CCSER1: variants seen among roughly 807,000 people sequenced by gnomAD.
CCSER1 encodes the protein coiled-coil serine rich protein 1.
A neutral mutation model predicts 82.0 loss-of-function variants in CCSER1; 41 were observed. The observed-to-expected ratio is 0.50, with a 90% CI of 0.39 to 0.65. The LOEUF (loss-of-function observed/expected upper bound fraction) is 0.65, where lower values mean the gene tolerates loss of function less well. Among genes scored for constraint, CCSER1 ranks in the 30% least tolerant of loss-of-function variants. The pLI is 0.00. For missense variants in CCSER1, 1,119 were observed against 1,064.2 expected (o/e 1.05, Z -0.72); for synonymous variants, 414 against 383.9 (o/e 1.08, Z -0.92).
intron 3 of CCSER1, among the ~76,000 whole-genome samples, chr4:90,398,276 C>T (rs933749723): frequency 6.6e-6 from 1 of 152,110 alleles, no homozygotes; most frequent in African/African-American, 2.4e-5. Context: ...GGCTCTGTCT[C>T]CAAATGCAGT....
chr4:90,635,549 G>T (rs995348830), intron 6 of CCSER1, among the ~76,000 whole-genome samples: 15 of 151,588 alleles, frequency 9.9e-5, no homozygotes, highest in African/African-American at 2.9e-4. Flanking sequence ...AAATTTTCTG[G>T]ATATAGTTAA....
At chr4:91,296,289 C>G (rs951303486) in intron 10 of CCSER1, among the ~76,000 whole-genome samples, 38 of 151,232 alleles carry the variant, frequency 2.5e-4, no homozygotes, top group African/African-American at 9.2e-4. Context: ...TAGAACACCA[C>G]TCCCTTAGAA....
At chr4:91,410,349 G>A (rs1291100994) in intron 10 of CCSER1, among the ~76,000 whole-genome samples, 3 of 151,994 alleles carry the variant, frequency 2.0e-5, no homozygotes, top group African/African-American at 2.4e-5. Context: ...AACTTAAAGG[G>A]TAGTATGAGC....
intron 8 of CCSER1, among the ~76,000 whole-genome samples, chr4:90,839,315 A>G (rs1020900278): frequency 6.6e-6 from 1 of 152,234 alleles, no homozygotes; most frequent in Admixed American, 6.5e-5. Context: ...ACGTGTAAGA[A>G]CATAATTTAA....
intron 10 of CCSER1, among the ~76,000 whole-genome samples, chr4:91,297,486 GATA>G (rs1744309153): frequency 6.6e-6 from 1 of 151,194 alleles, no homozygotes; most frequent in African/African-American, 2.4e-5. Flanking sequence ...GAGTAGGTGA[GATA>G]ATTGTATATG....
intron 7 of CCSER1, among the ~76,000 whole-genome samples, chr4:90,748,278 T>C (rs1175559944): frequency 6.8e-6 from 1 of 147,202 alleles, no homozygotes; most frequent in Non-Finnish European, 1.5e-5. Flanking sequence ...TGAGTGAGAA[T>C]ATGCGGTGTT....
intron 8 of CCSER1, among the ~76,000 whole-genome samples, chr4:90,866,316 G>T (rs1039442780): frequency 2.6e-4 from 39 of 152,000 alleles, no homozygotes; most frequent in African/African-American, 8.9e-4. Context: ...TGAGTGAGTA[G>T]CCGAAGTAAT....
chr4:90,971,123 AT>A (rs754086382), intron 9 of CCSER1, among the ~76,000 whole-genome samples: 8 of 151,982 alleles, frequency 5.3e-5, no homozygotes, highest in Non-Finnish European at 1.2e-4. Flanking sequence ...ACAAAATGGT[AT>A]TTGTTCTCAT....
intron 9 of CCSER1, among the ~76,000 whole-genome samples, chr4:91,025,591 A>G (rs1295698521): frequency 6.6e-6 from 1 of 152,088 alleles, no homozygotes; most frequent in Non-Finnish European, 1.5e-5. Context: ...ACCTGAAGTC[A>G]TTTTGTGGCA....
At chr4:91,024,499 A>G (rs1472674852) in intron 9 of CCSER1, among the ~76,000 whole-genome samples, 9 of 152,108 alleles carry the variant, frequency 5.9e-5, no homozygotes, top group Non-Finnish European at 1.5e-5. Context: ...AAATTAAAGG[A>G]GATTTTGCCT....
intron 10 of CCSER1, among the ~76,000 whole-genome samples, chr4:91,142,136 G>T (rs1729094109): frequency 1.3e-5 from 2 of 152,120 alleles, no homozygotes; most frequent in South Asian, 4.1e-4. Context: ...CGTGTCAAGG[G>T]TGGGGGACAG....
intron 10 of CCSER1, among the ~76,000 whole-genome samples, chr4:91,307,636 A>G (rs914185665): frequency 1.3e-5 from 2 of 152,022 alleles, no homozygotes; most frequent in African/African-American, 4.8e-5. Flanking sequence ...AAGTGAAACA[A>G]TCTTGTGTCT....
At chr4:91,246,884 C>G (rs1739829732) in intron 10 of CCSER1, among the ~76,000 whole-genome samples, 1 of 151,326 alleles carries the variant, frequency 6.6e-6, no homozygotes. Context: ...TATGAAGAGA[C>G]TCAACAATAT....
intron 10 of CCSER1, among the ~76,000 whole-genome samples, chr4:91,439,771 C>A (rs1754975605): frequency 2.6e-5 from 4 of 152,086 alleles, no homozygotes; most frequent in Admixed American, 2.0e-4. Flanking sequence ...GGAGGAAGAT[C>A]TACCAAGCAA....
chr4:90,169,371 T>G (rs1731188587), intron 1 of CCSER1, among the ~76,000 whole-genome samples: 1 of 152,046 alleles, frequency 6.6e-6, no homozygotes, highest in South Asian at 2.1e-4. Flanking sequence ...TTAAGGAGAT[T>G]TTGGGCTGAG....
At chr4:90,592,700 CT>C (rs200435096) in intron 5 of CCSER1, among the ~76,000 whole-genome samples, 3 of 151,830 alleles carry the variant, frequency 2.0e-5, no homozygotes, top group Middle Eastern at 3.2e-3. Context: ...TATTAGCTTT[CT>C]TTTTTTTCAT....
At chr4:90,528,769 C>G (rs751337836) in intron 5 of CCSER1, among the ~76,000 whole-genome samples, 1 of 152,152 alleles carries the variant, frequency 6.6e-6, no homozygotes, top group Admixed American at 6.5e-5. Flanking sequence ...ATGCAACTTA[C>G]TCATTCCCAA....
intron 9 of CCSER1, among the ~76,000 whole-genome samples, chr4:91,041,974 A>G (rs1332125541): frequency 6.6e-6 from 1 of 152,308 alleles, no homozygotes; most frequent in Admixed American, 6.5e-5. Context: ...GAAACTATCC[A>G]TGGTCTTCCT....
rs201497502 is a variant in CCSER1, at chr4:90,883,539, A to AT, written c.2095-39821dup. ...AAAAGACAAGTGAAGAAAGTCTGAGATTTTTTTTTTAGGTCGAATGAATGG... is the reference window on the plus strand; with the variant it reads ...AAAAGACAAGTGAAGAAAGTCTGAGATTTTTTTTTTTAGGTCGAATGAATGG... On this transcript the variant is annotated intron_variant, in intron 8 of 10. Transcript: ENST00000509176. 9.4e-5 allele frequency among the ~76,000 whole-genome samples: 14 copies of AT among 149,150 alleles called. No individual in the cohort carries two copies. In the South Asian group the frequency reaches 1.3e-3, roughly 13 times the overall value.
Sources: allele counts gnomAD v4.1 joint callset (sites outside exome capture counted in the v4.1 genomes callset), GRCh38; gene constraint gnomAD v4.1.1; transcripts MANE v1.5; gene names NCBI Gene and HGNC (gene_info 2026-07-23, HGNC 2026-07-21).